FNDC3A: variants seen among roughly 807,000 people sequenced by gnomAD.
The protein encoded by FNDC3A is fibronectin type-III domain-containing protein 3A.
Under a neutral mutation model 148.9 loss-of-function variants are expected in FNDC3A, and 32 were observed. The observed-to-expected ratio is 0.21, with a 90% confidence interval of 0.16 to 0.29. The LOEUF is 0.29. FNDC3A is among the 10% of genes least tolerant of loss of function. FNDC3A has a pLI of 1.00. For missense variants in FNDC3A, 1,191 were observed against 1,452.8 expected, an observed-to-expected ratio of 0.82 and a Z score of 2.93; for synonymous variants, 472 against 473.6, an observed-to-expected ratio of 1.00 and a Z score of 0.04.
At chr13:48,985,188 C>G (rs1025575625) in intron 1 of FNDC3A, among the ~76,000 whole-genome samples, 2 of 151,866 alleles carry the variant, frequency 1.3e-5, no homozygotes, top group Non-Finnish European at 2.9e-5. Flanking sequence ...GGTGTACCTA[C>G]AAATCAATAT....
intron 2 of FNDC3A, among the ~76,000 whole-genome samples, chr13:49,037,316 A>G (rs1226678562): frequency 6.6e-6 from 1 of 152,186 alleles, no homozygotes; most frequent in African/African-American, 2.4e-5. Flanking sequence ...ATGCTGAAGT[A>G]ATTTGAAGGC....
At chr13:49,078,868 A>G (rs972786472) in intron 3 of FNDC3A, among the ~76,000 whole-genome samples, 4 of 152,214 alleles carry the variant, frequency 2.6e-5, no homozygotes, top group Non-Finnish European at 5.9e-5. Context: ...GTGGAGAGAA[A>G]CATAGATCAT....
chr13:49,027,036 A>G (rs1160446421), intron 2 of FNDC3A, among the ~76,000 whole-genome samples: 1 of 152,140 alleles, frequency 6.6e-6, no homozygotes, highest in Non-Finnish European at 1.5e-5. Flanking sequence ...TTAGAGAAAG[A>G]ATGAGTATGA....
In FNDC3A at chr13:49,058,853, T is replaced by G. The variant is rs949867749; in HGVS notation, c.100-16436T>G. Among the ~76,000 whole-genome samples, 3 of 152,214 alleles carry G rather than the reference T, an allele frequency of 2.0e-5. No individual in the cohort carries two copies. In the South Asian group the frequency reaches 6.2e-4, roughly 32 times the overall value. On this transcript the variant is annotated intron_variant, in intron 2 of 25. Coordinates refer to ENST00000492622, the MANE Select transcript of FNDC3A (RefSeq NM_001079673.2). ...AATATTTATTTCACACCATTCAGATTAACAGTCTTCTAATTGGTAGCTTTG... is the reference window on the plus strand; with the variant it reads ...AATATTTATTTCACACCATTCAGATGAACAGTCTTCTAATTGGTAGCTTTG...
In FNDC3A at chr13:49,130,045, CCATAT is replaced by C. The variant is rs746191257; in HGVS notation, c.253-1091_253-1087del. ...GCCATTTGTTATACCTTAATAATTA[CCATAT>C]AAGTCTAAAAGAATAAGGGCCTTAT... On this transcript the variant is annotated intron_variant, in intron 4 of 25. Coordinates refer to ENST00000492622, the MANE Select transcript of FNDC3A (RefSeq NM_001079673.2). Among the ~76,000 whole-genome samples, 3 of 152,062 alleles carry C rather than the reference CCATAT, an allele frequency of 2.0e-5. No individual in the cohort carries two copies. The East Asian group carries it at 5.8e-4, about 29-fold the overall frequency.
intron 20 of FNDC3A, 145 bp downstream of exon 20, chr13:49,197,135 T>G (rs1886194957): frequency 2.1e-6 from 1 of 477,584 alleles, no homozygotes; most frequent in Non-Finnish European, 3.7e-6. Context: ...AGTGACTTCT[T>G]TTTCCTCTTT....
chr13:49,000,849 T>A (rs1158124629), intron 1 of FNDC3A, among the ~76,000 whole-genome samples: 1 of 152,184 alleles, frequency 6.6e-6, no homozygotes, highest in Admixed American at 6.5e-5. Context: ...GGAATTTTTT[T>A]ATTTCTTTTT....
chr13:49,110,235 C>A (rs1229324006), intron 3 of FNDC3A: 6 of 813,954 alleles, frequency 7.4e-6, no homozygotes, highest in East Asian at 3.1e-5. Context: ...TTTCCTGGGT[C>A]ACTGCAGGTC....
rs1317702727 is a variant in FNDC3A, at chr13:49,207,554, G to T, written c.*159G>T. On this transcript the variant is annotated 3_prime_UTR_variant, in exon 26 of 26. Coordinates refer to ENST00000492622, the MANE Select transcript of FNDC3A (RefSeq NM_001079673.2). Reference sequence around the variant, plus strand: ...TCAGTGCTTATATTGTTAGGTAGAGGCTGGCACTTTATTAGAATGCAAGCC... The same window carrying T: ...TCAGTGCTTATATTGTTAGGTAGAGTCTGGCACTTTATTAGAATGCAAGCC... 8.6e-6 allele frequency: 4 copies of T among 467,750 alleles called. No homozygotes were observed. Among genetic ancestry groups the T allele is most frequent in the African/African-American group, 8.1e-5 (4 of 49,684 alleles). The allele number at this position is 467,750 out of a possible 1,614,324, so 29.0% of individuals were successfully genotyped here.
At chr13:49,036,183 C>A (rs561862764) in intron 2 of FNDC3A, among the ~76,000 whole-genome samples, 1 of 152,182 alleles carries the variant, frequency 6.6e-6, no homozygotes, top group African/African-American at 2.4e-5. Flanking sequence ...AATGGAGGTA[C>A]CTGCAGTTTA....
rs185059317 is a variant in FNDC3A at position 48,988,515 on chromosome 13, T to C, written c.-40+12338T>C. On this transcript the variant is annotated intron_variant, in intron 1 of 25. Transcript: ENST00000492622. ...GAATCTAAATTGCATATGAGAATGA[T>C]AAAAGCCATAATATAGTAATTTATA... Among the ~76,000 whole-genome samples the C allele has an allele frequency of 1.2e-4, 19 of 152,288 alleles. No homozygotes were observed. The East Asian group carries it at 3.5e-3, about 28-fold the overall frequency.
intron 1 of FNDC3A, among the ~76,000 whole-genome samples, chr13:48,979,635 A>G (rs746388119): frequency 1.3e-5 from 2 of 152,138 alleles, no homozygotes; most frequent in Non-Finnish European, 2.9e-5. Context: ...GGAACCTATC[A>G]CTGAAAGAAC....
At chr13:48,989,182 C>T (rs539272710) in intron 1 of FNDC3A, among the ~76,000 whole-genome samples, 14 of 152,266 alleles carry the variant, frequency 9.2e-5, no homozygotes, top group African/African-American at 3.1e-4. Flanking sequence ...ATCGTAAAAG[C>T]AAGTCCCAAA....
intron 4 of FNDC3A, among the ~76,000 whole-genome samples, chr13:49,124,328 C>G (rs1163265122): frequency 1.3e-5 from 2 of 151,938 alleles, no homozygotes; most frequent in Non-Finnish European, 2.9e-5. Flanking sequence ...ACATCACACA[C>G]TGGGGCCTGT....
At chr13:48,995,931 A>G (rs1198902528) in intron 1 of FNDC3A, among the ~76,000 whole-genome samples, 1 of 152,220 alleles carries the variant, frequency 6.6e-6, no homozygotes, top group African/African-American at 2.4e-5. Context: ...AATATAGTCA[A>G]GTTTAGAAGA....
intron 10 of FNDC3A, among the ~76,000 whole-genome samples, chr13:49,170,680 G>C (rs1884708856): frequency 6.6e-6 from 1 of 152,034 alleles, no homozygotes; most frequent in Non-Finnish European, 1.5e-5. Flanking sequence ...GATTTATTTG[G>C]TTCTTTGAAG....
At chr13:49,004,416 C>T (rs1952183462) in intron 1 of FNDC3A, among the ~76,000 whole-genome samples, 1 of 151,872 alleles carries the variant, frequency 6.6e-6, no homozygotes, top group African/African-American at 2.4e-5. Context: ...TTTAAAAATA[C>T]TAAAATTAAA....
intron 3 of FNDC3A, among the ~76,000 whole-genome samples, chr13:49,092,724 C>A (rs1369131656): frequency 6.6e-6 from 1 of 150,732 alleles, no homozygotes; most frequent in Non-Finnish European, 1.5e-5. Context: ...ATACTAGTTA[C>A]ATCTATTTTG....
intron 2 of FNDC3A, among the ~76,000 whole-genome samples, chr13:49,047,125 C>G (rs1280444328): frequency 6.6e-6 from 1 of 151,790 alleles, no homozygotes; most frequent in Non-Finnish European, 1.5e-5. Flanking sequence ...CAGTTCCATC[C>G]AGGTTGCTGC....
Sources: gnomAD v4.1 joint callset for allele counts (sites outside exome capture counted in the v4.1 genomes callset) on GRCh38, gnomAD v4.1.1 for gene constraint, MANE v1.5 for transcripts, NCBI Gene and HGNC (gene_info 2026-07-23, HGNC 2026-07-21) for gene names.